The following CADM2 variants were observed in gnomAD, a reference collection of about 807,000 sequenced individuals.
The protein encoded by CADM2 is cell adhesion molecule 2.
Under a neutral mutation model 49.8 loss-of-function variants are expected in CADM2, and 12 were observed. The observed-to-expected ratio is 0.24, with a 90% CI of 0.15 to 0.39. The LOEUF (loss-of-function observed/expected upper bound fraction) is 0.39, where lower values mean the gene tolerates loss of function less well. Among genes scored for constraint, CADM2 ranks in the 10% least tolerant of loss-of-function variants. The pLI is 1.00. For synonymous variants in CADM2, 214 were observed against 175.4 expected (o/e 1.22, Z -1.74); for missense variants, 378 against 492.3 (o/e 0.77, Z 2.20).
At chr3:84,984,704 C>G (rs2032447543) in intron 1 of CADM2, among the ~76,000 whole-genome samples, 1 of 152,152 alleles carries the variant, frequency 6.6e-6, no homozygotes, top group Admixed American at 6.6e-5. Context: ...TAGTTTGACA[C>G]AGAAGACATT....
chr3:85,829,306 A>G (rs2074072872), intron 3 of CADM2, among the ~76,000 whole-genome samples: 1 of 151,810 alleles, frequency 6.6e-6, no homozygotes. Context: ...TTTTTAATTG[A>G]CACATAATAA....
intron 3 of CADM2, among the ~76,000 whole-genome samples, chr3:85,857,453 A>G (rs973943890): frequency 2.6e-5 from 4 of 152,302 alleles, no homozygotes; most frequent in African/African-American, 4.8e-5. Context: ...CGTGCCTACC[A>G]TAAACTCTTT....
intron 3 of CADM2, among the ~76,000 whole-genome samples, chr3:85,870,663 G>A (rs933628483): frequency 6.6e-6 from 1 of 152,032 alleles, no homozygotes; most frequent in African/African-American, 2.4e-5. Context: ...TGGACATTTA[G>A]GTTAATTCCA....
At chr3:85,424,849 ATAAT>A (rs1048882639) in intron 1 of CADM2, among the ~76,000 whole-genome samples, 3 of 152,160 alleles carry the variant, frequency 2.0e-5, no homozygotes, top group Non-Finnish European at 1.5e-5. Flanking sequence ...ACACTAGAAT[ATAAT>A]TAATTCCAAA....
chr3:85,815,659 G>A (rs2108153052), intron 3 of CADM2, among the ~76,000 whole-genome samples: 1 of 152,282 alleles, frequency 6.6e-6, no homozygotes, highest in Admixed American at 6.5e-5. Context: ...GGCAGAAGCT[G>A]GAAGCATTCC....
chr3:86,012,277 T>C (rs1216117333), intron 8 of CADM2, among the ~76,000 whole-genome samples: 3 of 152,214 alleles, frequency 2.0e-5, no homozygotes, highest in Non-Finnish European at 4.4e-5. Context: ...ATCAGTACAA[T>C]GCATATTATA....
intron 1 of CADM2, among the ~76,000 whole-genome samples, chr3:85,604,128 G>A (rs773023355): frequency 8.6e-5 from 13 of 151,762 alleles, no homozygotes; most frequent in Non-Finnish European, 1.5e-4. Context: ...GATAAATAAT[G>A]TATTCTTTGT....
intron 3 of CADM2, among the ~76,000 whole-genome samples, chr3:85,876,205 A>G (rs915567524): frequency 6.6e-6 from 1 of 152,182 alleles, no homozygotes; most frequent in Non-Finnish European, 1.5e-5. Flanking sequence ...TTACATAGCC[A>G]AGGGATACTT....
At chr3:85,185,368 ATATG>A (rs2107712421) in intron 1 of CADM2, among the ~76,000 whole-genome samples, 1 of 152,278 alleles carries the variant, frequency 6.6e-6, no homozygotes, top group African/African-American at 2.4e-5. Flanking sequence ...AAATAGGAAC[ATATG>A]TTTCCCAAAA....
chr3:85,969,338 A>G (rs1422589314), intron 8 of CADM2, among the ~76,000 whole-genome samples: 1 of 150,564 alleles, frequency 6.6e-6, no homozygotes, highest in Non-Finnish European at 1.5e-5. Context: ...TCCTCTTTCA[A>G]CTCCTCTAAG....
chr3:85,647,635 T>C (rs562439809), intron 1 of CADM2, among the ~76,000 whole-genome samples: 1 of 151,890 alleles, frequency 6.6e-6, no homozygotes, highest in Non-Finnish European at 1.5e-5. Flanking sequence ...TTTAGAAAAA[T>C]TCATTTAAAT....
intron 1 of CADM2, among the ~76,000 whole-genome samples, chr3:85,339,039 A>C (rs2107184897): frequency 6.6e-6 from 1 of 151,674 alleles, no homozygotes; most frequent in South Asian, 2.1e-4. Flanking sequence ...TACTCTGAAA[A>C]GTTTAAGTCT....
chr3:85,222,475 G>A (rs564326995), intron 1 of CADM2, among the ~76,000 whole-genome samples: 2 of 152,092 alleles, frequency 1.3e-5, no homozygotes, highest in Non-Finnish European at 2.9e-5. Context: ...CCTTCCTTCC[G>A]TGGCTGTTTC....
rs1266789729 is a variant in CADM2 at position 85,113,628 on chromosome 3, T to A, written c.61+153960T>A. On this transcript the variant is annotated intron_variant, in intron 1 of 9. Coordinates refer to ENST00000383699, the MANE Select transcript of CADM2 (RefSeq NM_001167675.2). ...TACTGAAATATTTTACATTATATAC[T>A]TCTAAATGTAATTAAAGCAATTTTA... Among the ~76,000 whole-genome samples, 3 of 152,016 alleles carry A rather than the reference T, an allele frequency of 2.0e-5. No homozygotes were observed. The East Asian group carries it at 5.8e-4, about 29-fold the overall frequency.
intron 1 of CADM2, among the ~76,000 whole-genome samples, chr3:85,541,522 G>C (rs2107037972): frequency 6.7e-6 from 1 of 149,660 alleles, no homozygotes; most frequent in East Asian, 2.0e-4. Flanking sequence ...AAAATGACTA[G>C]GTACATTACT....
chr3:85,353,644 C>G (rs2031571206), intron 1 of CADM2, among the ~76,000 whole-genome samples: 1 of 151,490 alleles, frequency 6.6e-6, no homozygotes, highest in Admixed American at 6.6e-5. Flanking sequence ...TCTTAACAAC[C>G]ACTCATGTGG....
chr3:85,153,390 T>G (rs1304341592), intron 1 of CADM2, among the ~76,000 whole-genome samples: 3 of 152,160 alleles, frequency 2.0e-5, no homozygotes, highest in African/African-American at 7.2e-5. Flanking sequence ...TCTTAAAAAA[T>G]GGCGCACCAG....
intron 3 of CADM2, among the ~76,000 whole-genome samples, chr3:85,855,140 TG>T (rs915607121): frequency 1.4e-4 from 21 of 152,262 alleles, no homozygotes; most frequent in African/African-American, 5.1e-4. Context: ...TACACAGTTT[TG>T]TCCCATCTGT....
intron 1 of CADM2, among the ~76,000 whole-genome samples, chr3:85,065,857 AT>A (rs1486581922): frequency 7.9e-5 from 12 of 152,304 alleles, no homozygotes; most frequent in Admixed American, 7.9e-4. Flanking sequence ...TATGAAAAAA[AT>A]ATAATGATTA....
Sources: gnomAD v4.1 joint callset for allele counts (sites outside exome capture counted in the v4.1 genomes callset) on GRCh38, gnomAD v4.1.1 for gene constraint, MANE v1.5 for transcripts, NCBI Gene and HGNC (gene_info 2026-07-23, HGNC 2026-07-21) for gene names.